LPAR5: variants seen among roughly 807,000 people sequenced by gnomAD.
LPAR5 encodes the protein G protein-coupled receptor 92.
For missense variants in LPAR5, 544 were observed against 521.8 expected (o/e 1.04, Z -0.41); for synonymous variants, 271 against 261.6 (o/e 1.04, Z -0.35).
intron 1 of LPAR5, among the ~76,000 whole-genome samples, chr12:6,627,969 A>C (rs1020109886): frequency 6.6e-6 from 1 of 151,998 alleles, no homozygotes; most frequent in African/African-American, 2.4e-5. Flanking sequence ...ACAAGATTTC[A>C]ATAACAGTTT....
At chr12:6,624,469 C>T (rs148165575) in intron 1 of LPAR5, among the ~76,000 whole-genome samples, 89 of 152,028 alleles carry the variant, frequency 5.9e-4, no homozygotes, top group African/African-American at 2.0e-3. Context: ...TTCTAGTCTA[C>T]TTTCTGTCTC....
intron 1 of LPAR5, among the ~76,000 whole-genome samples, chr12:6,626,660 C>T (rs1195772775): frequency 6.6e-6 from 1 of 152,194 alleles, no homozygotes; most frequent in Non-Finnish European, 1.5e-5. Context: ...CAAACTAATA[C>T]TAATTGTGGA....
rs1044891949 is a variant in LPAR5 at position 6,620,435 on chromosome 12, G to T, written c.814C>A (p.Arg272Ser). 4 of 1,601,944 alleles carry T rather than the reference G, an allele frequency of 2.5e-6. No individual in the cohort carries two copies. In the African/African-American group the frequency reaches 5.4e-5, roughly 21 times the overall value. Residue 272 changes from arginine to serine, a missense_variant, in exon 2 of 2, where the codon CGC becomes AGC. Physicochemically the swap from Arg to Ser is moderately radical, Grantham distance 110. Coordinates refer to ENST00000329858, the MANE Select transcript of LPAR5 (RefSeq NM_020400.6). This position sits in a 1 kb window ranked among gnomAD's most constrained non-coding sequence, Gnocchi z 6.8. Reference sequence around the variant, plus strand: ...ATCAGCACCCCGCGCACGCGATCGCGGGCAGGCACGCTGGCCGCCACCAGC... The same window carrying T: ...ATCAGCACCCCGCGCACGCGATCGCTGGCAGGCACGCTGGCCGCCACCAGC... ...SKLVAASVPA[R>S]DRVRGVLMVM...
chr12:6,628,258 T>A (rs575378834), intron 1 of LPAR5, among the ~76,000 whole-genome samples: 4 of 152,248 alleles, frequency 2.6e-5, no homozygotes, highest in Non-Finnish European at 5.9e-5. Context: ...CCTGACCTCG[T>A]GATCTGCCCG....
At chr12:6,622,183 GGAGGCC>G (rs1948901846) in intron 1 of LPAR5, among the ~76,000 whole-genome samples, 1 of 151,164 alleles carries the variant, frequency 6.6e-6, no homozygotes, top group Non-Finnish European at 1.5e-5. Flanking sequence ...CAGCACTTTG[GGAGGCC>G]GAGGCAGGTG....
At chr12:6,630,009 A>G (rs1948971280) in intron 1 of LPAR5, among the ~76,000 whole-genome samples, 1 of 152,084 alleles carries the variant, frequency 6.6e-6, no homozygotes, top group Non-Finnish European at 1.5e-5. Flanking sequence ...GGGTGACAAG[A>G]GTGAAACTCT....
chr12:6,628,355 A>C (rs1244052554), intron 1 of LPAR5, among the ~76,000 whole-genome samples: 1 of 152,130 alleles, frequency 6.6e-6, no homozygotes, highest in Non-Finnish European at 1.5e-5. Context: ...TTGGAGAACC[A>C]GTAGATCCTT....
intron 1 of LPAR5, among the ~76,000 whole-genome samples, chr12:6,627,312 C>G (rs1483335351): frequency 6.6e-6 from 1 of 151,950 alleles, no homozygotes; most frequent in Admixed American, 6.6e-5. Flanking sequence ...AGTAAATAGA[C>G]CGGGAATGGT....
intron 1 of LPAR5, among the ~76,000 whole-genome samples, chr12:6,634,347 A>G (rs12815804): frequency 0.99 from 151,394 of 152,210 alleles, 75,302 homozygotes; most frequent in Middle Eastern, 1. Context: ...CGAGTGTGTG[A>G]CTCGCGCCTG....
chr12:6,621,185 G>GGGTA lies in LPAR5; in HGVS notation c.60_63dup (p.His22TyrfsTer43), dbSNP rs1406190984. On this transcript the variant is annotated frameshift_variant, in exon 2 of 2. Transcript: ENST00000329858. LOFTEE classifies it low-confidence loss of function (END_TRUNC). Reference sequence around the variant, plus strand: ...CTGTAGACCACCAAGTGCAGGCGGTGGGTAGGTCGGTAGTCAGGACACGGG... The same window carrying GGGTA: ...CTGTAGACCACCAAGTGCAGGCGGTGGGTAGGTAGGTCGGTAGTCAGGACACGGG... 6.4e-7 allele frequency: 1 copy of GGGTA among 1,563,744 alleles called. No homozygotes were observed. Among genetic ancestry groups the GGGTA allele is most frequent in the Non-Finnish European group, 8.7e-7 (1 of 1,155,344 alleles).
intron 1 of LPAR5, among the ~76,000 whole-genome samples, chr12:6,621,981 A>C (rs1948899820): frequency 6.6e-6 from 1 of 151,210 alleles, no homozygotes; most frequent in Admixed American, 6.6e-5. Context: ...TACAAAAATT[A>C]GCTGGGCGTG....
At position 6,635,540 on chromosome 12, in the gene LPAR5, C is replaced by T. The variant is rs74820990; in HGVS notation, c.-217+367G>A. On this transcript the variant is annotated intron_variant, in intron 1 of 1. Coordinates refer to ENST00000329858, the MANE Select transcript of LPAR5 (RefSeq NM_020400.6). The stretch of plus-strand genomic sequence containing the variant: ...TGGTGTAGGGGTTGAGGTTTAACTG[C>T]GAGTGGAAAAAGTGTGTAAACAGTC... 2.5e-3 allele frequency among the ~76,000 whole-genome samples: 376 copies of T among 152,040 alleles called. 2 individuals carry two copies. The highest frequency in any genetic ancestry group is 8.8e-3 in the African/African-American group (363 of 41,462).
intron 1 of LPAR5, among the ~76,000 whole-genome samples, chr12:6,622,382 C>G (rs888194398): frequency 4.1e-5 from 6 of 145,398 alleles, no homozygotes; most frequent in African/African-American, 1.5e-4. Context: ...GAGCCAAGAT[C>G]GCGCCATTGC....
rs942864036 is a variant in LPAR5, at chr12:6,620,024, C to G, written c.*106G>C. 2.7e-6 allele frequency: 4 copies of G among 1,459,692 alleles called. No individual in the cohort carries two copies. In the African/African-American group the frequency reaches 5.6e-5, roughly 20 times the overall value. The allele number at this position is 1,459,692 out of a possible 1,614,324, so 90.4% of individuals were successfully genotyped here. ...TGCGTTGCTAAGCTGGAATTGCCAC[C>G]CAAAGGTCCAAGTGCCCAGCCCACC... is the stretch of plus-strand genomic sequence containing the variant. On this transcript the variant is annotated 3_prime_UTR_variant, in exon 2 of 2. Coordinates refer to ENST00000329858, the MANE Select transcript of LPAR5 (RefSeq NM_020400.6). This position sits in a 1 kb window ranked among gnomAD's most constrained non-coding sequence, Gnocchi z 6.8.
At chr12:6,628,305 G>A (rs1948957303) in intron 1 of LPAR5, among the ~76,000 whole-genome samples, 1 of 152,000 alleles carries the variant, frequency 6.6e-6, no homozygotes, top group Non-Finnish European at 1.5e-5. Context: ...ACAGGCGTGA[G>A]CCACCGCGCC....
intron 1 of LPAR5, among the ~76,000 whole-genome samples, chr12:6,624,016 G>A (rs112968150): frequency 2.0e-5 from 3 of 152,106 alleles, no homozygotes; most frequent in South Asian, 2.1e-4. Flanking sequence ...CCAGCCTTAC[G>A]CATCACATGC....
At chr12:6,634,756 A>G (rs1234736920) in intron 1 of LPAR5, among the ~76,000 whole-genome samples, 8 of 150,482 alleles carry the variant, frequency 5.3e-5, no homozygotes, top group Non-Finnish European at 1.0e-4. Flanking sequence ...TGTTCATGCC[A>G]CTGCACTCCA....
In LPAR5 at chr12:6,619,878, G is replaced by A. The variant is rs971861189; in HGVS notation, c.*252C>T. 1.3e-5 allele frequency: 9 copies of A among 682,964 alleles called. No homozygotes were observed. The highest frequency in any genetic ancestry group is 2.4e-5 in the Non-Finnish European group (9 of 374,062). 42.3% of individuals were successfully genotyped at this position (682,964 alleles called of 1,614,324 possible). A position where few individuals can be genotyped will look rare whatever the true frequency, so the allele number is the denominator to read the frequency against. On this transcript the variant is annotated 3_prime_UTR_variant, in exon 2 of 2. Coordinates refer to ENST00000329858, the MANE Select transcript of LPAR5 (RefSeq NM_020400.6). ...GTCCTCTTCTGCCCTCTGCACGGGT[G>A]GGCTCTCTGCATCACTTCCCACCGC... is the stretch of plus-strand genomic sequence containing the variant.
chr12:6,634,611 C>G (rs1230907448), intron 1 of LPAR5, among the ~76,000 whole-genome samples: 1 of 144,812 alleles, frequency 6.9e-6, no homozygotes, highest in African/African-American at 2.6e-5. Flanking sequence ...TTAGCCTAGA[C>G]GACAGAGCGA....
Sources: allele counts gnomAD v4.1 joint callset (sites outside exome capture counted in the v4.1 genomes callset), GRCh38; gene constraint gnomAD v4.1.1; non-coding constraint Gnocchi (gnomAD v3.1); transcripts MANE v1.5; gene names NCBI Gene and HGNC (gene_info 2026-07-23, HGNC 2026-07-21).